Variants in PPP2R5E observed in about 807,000 individuals in gnomAD.
PPP2R5E encodes protein phosphatase 2 regulatory subunit B'epsilon.
PPP2R5E carries 4 observed loss-of-function variants against 65.3 expected under a neutral mutation model. The ratio of observed to expected loss-of-function variants is 0.06; its 90% CI spans 0.03 to 0.14. PPP2R5E has a LOEUF of 0.14. PPP2R5E is among the 10% of genes least tolerant of loss of function. The pLI, the probability that PPP2R5E is intolerant of heterozygous loss-of-function variation, is 1.00. For synonymous variants in PPP2R5E, 183 were observed against 187.4 expected, an observed-to-expected ratio of 0.98 and a Z score of 0.19; for missense variants, 274 against 556.1, an observed-to-expected ratio of 0.49 and a Z score of 5.10.
chr14:63,427,155 A>G (rs1280684400), intron 3 of PPP2R5E, among the ~76,000 whole-genome samples: 1 of 152,180 alleles, frequency 6.6e-6, no homozygotes, highest in African/African-American at 2.4e-5. Context: ...GTAAGCACCA[A>G]CATCACTCCC....
At chr14:63,495,423 A>AC (rs1187524832) in intron 2 of PPP2R5E, among the ~76,000 whole-genome samples, 1 of 142,266 alleles carries the variant, frequency 7.0e-6, no homozygotes, top group Non-Finnish European at 1.5e-5. Flanking sequence ...AATACAAAAA[A>AC]AAAAAAAAAA....
In PPP2R5E at chr14:63,463,059, G is replaced by A. The variant is rs573278137; in HGVS notation, c.158-9174C>T. On this transcript the variant is annotated intron_variant, in intron 2 of 13. Transcript: ENST00000337537. ...GGAGGTTGTGGTGAGCTGAGATGGC[G>A]CCATTGCACTCCAGCCTGGGCAACA... 1.7e-3 allele frequency among the ~76,000 whole-genome samples: 247 copies of A among 144,546 alleles called. 1 individual carries two copies. Among genetic ancestry groups the A allele is most frequent in the South Asian group, 9.5e-3 (43 of 4,512 alleles). 94.8% of individuals were successfully genotyped at this position (144,546 alleles called of 152,430 possible). A position where few individuals can be genotyped will look rare whatever the true frequency, so the allele number is the denominator to read the frequency against.
intron 2 of PPP2R5E, among the ~76,000 whole-genome samples, chr14:63,517,004 G>A (rs1046121635): frequency 1.3e-5 from 2 of 151,904 alleles, no homozygotes; most frequent in East Asian, 1.9e-4. Context: ...TTCCCTAAAC[G>A]TAGCATACAA....
intron 2 of PPP2R5E, chr14:63,479,411 T>C (rs1890579913): frequency 6.6e-6 from 1 of 152,106 alleles, no homozygotes; most frequent in Non-Finnish European, 1.5e-5. Flanking sequence ...ACCTCACACA[T>C]TTACAGTAAA....
chr14:63,377,002 G>A lies in PPP2R5E; in HGVS notation c.1305-894C>T, dbSNP rs549154199. On this transcript the variant is annotated intron_variant, in intron 13 of 13. Transcript: ENST00000337537. ...ACAAAAATTAGCCGGGCATGGTGGC[G>A]TATGCCTAGAGTCCCAGCTACTTGG... is the stretch of plus-strand genomic sequence containing the variant. Among the ~76,000 whole-genome samples the A allele has an allele frequency of 9.9e-5, 15 of 152,132 alleles. No homozygotes were observed. The South Asian group carries it at 1.2e-3, about 13-fold the overall frequency.
At chr14:63,528,207 C>A (rs944913667) in intron 2 of PPP2R5E, among the ~76,000 whole-genome samples, 1 of 152,120 alleles carries the variant, frequency 6.6e-6, no homozygotes, top group African/African-American at 2.4e-5. Context: ...TCAAGCACTA[C>A]AAAATCTAAT....
intron 3 of PPP2R5E, among the ~76,000 whole-genome samples, chr14:63,443,526 A>G (rs1435526394): frequency 6.6e-6 from 1 of 151,846 alleles, no homozygotes; most frequent in Non-Finnish European, 1.5e-5. Context: ...TTTTTAATCT[A>G]CTCTTCAACC....
At chr14:63,442,845 T>A (rs983516730) in intron 3 of PPP2R5E, among the ~76,000 whole-genome samples, 2 of 152,148 alleles carry the variant, frequency 1.3e-5, no homozygotes, top group African/African-American at 2.4e-5. Context: ...ATATTCTTTA[T>A]CAGATGCAGG....
chr14:63,472,908 G>A (rs1318050441), intron 2 of PPP2R5E, among the ~76,000 whole-genome samples: 1 of 152,206 alleles, frequency 6.6e-6, no homozygotes, highest in Admixed American at 6.5e-5. Context: ...ATAATGAGAA[G>A]TGTTTTAGCG....
At chr14:63,412,337 A>G (rs1185186892) in intron 5 of PPP2R5E, among the ~76,000 whole-genome samples, 1 of 152,258 alleles carries the variant, frequency 6.6e-6, no homozygotes, top group Non-Finnish European at 1.5e-5. Context: ...GAAGCCAGCT[A>G]TAACCAGAAG....
chr14:63,494,904 A>C (rs1200653753), intron 2 of PPP2R5E, among the ~76,000 whole-genome samples: 3 of 147,076 alleles, frequency 2.0e-5, no homozygotes, highest in Non-Finnish European at 4.5e-5. Flanking sequence ...CTCAAAAAAC[A>C]AAAAGCAAAA....
Position 63,395,294 on chromosome 14 carries a change from AGAG to A in PPP2R5E, c.681-12_681-10del. On this transcript the variant is annotated splice_polypyrimidine_tract_variant and intron_variant, in intron 6 of 13. Coordinates refer to ENST00000337537, the MANE Select transcript of PPP2R5E (RefSeq NM_006246.5). Reference sequence around the variant, plus strand: ...CTGTTTCATAAACAAACCTGAGAGAAGAGGAGAAAAGGGAGGAGAAAGGAGGAG... The same window carrying A: ...CTGTTTCATAAACAAACCTGAGAGAAGAGAAAAGGGAGGAGAAAGGAGGAG... 6.3e-7 allele frequency: 1 copy of A among 1,584,970 alleles called. No individual in the cohort carries two copies.
chr14:63,508,152 C>G (rs570146826), intron 2 of PPP2R5E: 6 of 985,464 alleles, frequency 6.1e-6, no homozygotes, highest in Non-Finnish European at 6.0e-6. Context: ...GCCCCTGCAG[C>G]TCTCAGGCCT....
intron 2 of PPP2R5E, among the ~76,000 whole-genome samples, chr14:63,527,882 C>T (rs1037643251): frequency 2.0e-5 from 3 of 149,036 alleles, no homozygotes; most frequent in Non-Finnish European, 4.4e-5. Context: ...TTGCAATGAG[C>T]AGAGATCGCG....
At chr14:63,540,091 CTCCA>C in intron 1 of PPP2R5E, among the ~76,000 whole-genome samples, 2 of 148,610 alleles carry the variant, frequency 1.3e-5, no homozygotes, top group Admixed American at 1.4e-4. Flanking sequence ...CGCCATTGCA[CTCCA>C]TCCAGCCTGA....
chr14:63,443,874 G>A (rs544664961), intron 3 of PPP2R5E, among the ~76,000 whole-genome samples: 19 of 152,218 alleles, frequency 1.2e-4, no homozygotes, highest in African/African-American at 4.3e-4. Context: ...TACCTCCTAG[G>A]TGAATCTCAA....
intron 11 of PPP2R5E, among the ~76,000 whole-genome samples, chr14:63,389,363 T>TA (rs142654475): frequency 0.013 from 1,995 of 148,610 alleles, 59 homozygotes; most frequent in East Asian, 0.12. Flanking sequence ...TGTATGTCTT[T>TA]AAAAAAAAAA....
At position 63,389,039 on chromosome 14, in the gene PPP2R5E, C is replaced by T. The variant is rs1471303645; in HGVS notation, c.1074+573G>A. The stretch of plus-strand genomic sequence containing the variant: ...AGGCAGAGCAGTGCTATGGGAAGGT[C>T]ACCGGCTTTAGCAAGCAGCTACACC... On this transcript the variant is annotated intron_variant, in intron 11 of 13. Transcript: ENST00000337537. Among the ~76,000 whole-genome samples the T allele has an allele frequency of 3.3e-5, 5 of 152,092 alleles. No homozygotes were observed. The East Asian group carries it at 9.6e-4, about 29-fold the overall frequency.
At chr14:63,486,741 T>C (rs1002298913) in intron 2 of PPP2R5E, among the ~76,000 whole-genome samples, 1 of 152,114 alleles carries the variant, frequency 6.6e-6, no homozygotes, top group Non-Finnish European at 1.5e-5. Flanking sequence ...GCTAATCCCA[T>C]GTCTAACCCC....
Sources: gnomAD v4.1 joint callset for allele counts (sites outside exome capture counted in the v4.1 genomes callset) on GRCh38, gnomAD v4.1.1 for gene constraint, MANE v1.5 for transcripts, NCBI Gene and HGNC (gene_info 2026-07-23, HGNC 2026-07-21) for gene names.